ACOT13: variants seen among roughly 807,000 people sequenced by gnomAD.
The protein encoded by ACOT13 is acyl-CoA thioesterase 13, also known as acyl-coenzyme A thioesterase 13.
ACOT13 carries 10 observed loss-of-function variants against 11.8 expected under a neutral mutation model. The ratio of observed to expected loss-of-function variants is 0.85; its 90% CI spans 0.53 to 1.44. The LOEUF (loss-of-function observed/expected upper bound fraction) is 1.44. ACOT13 is among the 40% of genes most tolerant of loss of function. The probability of loss-of-function intolerance (pLI) is 0.00; values close to 1 mark genes in which losing one functional copy is unlikely to be tolerated. For synonymous variants in ACOT13, 53 were observed against 61.0 expected (o/e 0.87, Z 0.61); for missense variants, 172 against 174.1 (o/e 0.99, Z 0.07).
At chr6:24,668,902 TG>T (rs1301782647) in intron 1 of ACOT13, among the ~76,000 whole-genome samples, 1 of 152,102 alleles carries the variant, frequency 6.6e-6, no homozygotes, top group East Asian at 1.9e-4. Context: ...ACAGAAAAGG[TG>T]GGGGTTTGGA....
At chr6:24,692,767 C>T (rs898341602) in intron 1 of ACOT13, among the ~76,000 whole-genome samples, 1 of 152,202 alleles carries the variant, frequency 6.6e-6, no homozygotes, top group African/African-American at 2.4e-5. Context: ...CCTATAAGGG[C>T]AGTACAGTAC....
chr6:24,672,879 C>G (rs1337293632), intron 1 of ACOT13, among the ~76,000 whole-genome samples: 2 of 152,128 alleles, frequency 1.3e-5, no homozygotes, highest in Non-Finnish European at 2.9e-5. Flanking sequence ...GTCTCTGGGC[C>G]TTGAGGAGTT....
chr6:24,674,191 C>T (rs78314161), intron 1 of ACOT13, among the ~76,000 whole-genome samples: 6,418 of 151,978 alleles, frequency 0.042, 171 homozygotes, highest in East Asian at 0.076. Flanking sequence ...CCTCTCGAGT[C>T]GCTGGGATTA....
intron 1 of ACOT13, among the ~76,000 whole-genome samples, chr6:24,672,197 A>G (rs968469285): frequency 2.6e-5 from 4 of 152,268 alleles, no homozygotes; most frequent in African/African-American, 9.6e-5. Context: ...TGATAACTCA[A>G]GGATTTCATA....
intron 1 of ACOT13, among the ~76,000 whole-genome samples, chr6:24,673,832 A>G (rs896861306): frequency 7.9e-5 from 12 of 152,180 alleles, no homozygotes; most frequent in African/African-American, 2.9e-4. Context: ...TTTTAAAACA[A>G]ATCCTCTTAT....
At chr6:24,672,027 T>C (rs1778373973) in intron 1 of ACOT13, among the ~76,000 whole-genome samples, 1 of 152,218 alleles carries the variant, frequency 6.6e-6, no homozygotes, top group African/African-American at 2.4e-5. Context: ...TTTTTGGACT[T>C]CAGGGAATCT....
chr6:24,673,977 TC>T (rs1470038757), intron 1 of ACOT13, among the ~76,000 whole-genome samples: 1 of 152,258 alleles, frequency 6.6e-6, no homozygotes, highest in Non-Finnish European at 1.5e-5. Context: ...TTTTATAACT[TC>T]CTTTACAACA....
At chr6:24,689,223 T>C (rs1040901060) in intron 1 of ACOT13, among the ~76,000 whole-genome samples, 3 of 152,116 alleles carry the variant, frequency 2.0e-5, no homozygotes, top group African/African-American at 4.8e-5. Context: ...TGTCAGTCTG[T>C]CATATACAAA....
chr6:24,691,475 G>A (rs1778716704), intron 1 of ACOT13, among the ~76,000 whole-genome samples: 1 of 152,152 alleles, frequency 6.6e-6, no homozygotes, highest in African/African-American at 2.4e-5. Context: ...GGTGATAATT[G>A]CTATAAAGGA....
In ACOT13 at chr6:24,703,765, T is replaced by C. The variant is rs1778938085; in HGVS notation, c.*2150T>C. ...ATTGCTTCCCAGAGATTGCTAGTAGTAAGTACCACACATAGGGCAAAACCA... is the reference window on the plus strand; with the variant it reads ...ATTGCTTCCCAGAGATTGCTAGTAGCAAGTACCACACATAGGGCAAAACCA... On this transcript the variant is annotated 3_prime_UTR_variant, in exon 3 of 3. Coordinates refer to ENST00000230048, the MANE Select transcript of ACOT13 (RefSeq NM_018473.4). The C allele has an allele frequency of 6.6e-6, 1 of 152,208 alleles. No homozygotes were observed. The highest frequency in any genetic ancestry group is 1.5e-5 in the Non-Finnish European group (1 of 68,036). The allele number at this position is 152,208 out of a possible 1,614,324, so 9.4% of individuals were successfully genotyped here.
chr6:24,697,958 G>A lies in ACOT13; in HGVS notation c.157G>A (p.Gly53Ser). 1.2e-6 allele frequency: 2 copies of A among 1,613,842 alleles called. No homozygotes were observed. The highest frequency in any genetic ancestry group is 1.7e-6 in the Non-Finnish European group (2 of 1,179,902). Reference protein sequence around the residue: ...KVEEEHTNAIGTLHGGLTATL... With the variant: ...KVEEEHTNAISTLHGGLTATL... ...AGAAGAAGAGCATACCAATGCAATA[G>A]GCACTCTCCACGGCGGTTTGACAGC... The change falls in exon 2 of 3, where the codon GGC becomes AGC. Residue 53 changes from glycine (G) to serine (S), a missense_variant. By Grantham distance (56) the Gly-to-Ser change is moderately conservative. Coordinates refer to ENST00000230048, the MANE Select transcript of ACOT13 (RefSeq NM_018473.4).
chr6:24,669,629 C>T (rs928093176), intron 1 of ACOT13, among the ~76,000 whole-genome samples: 5 of 151,982 alleles, frequency 3.3e-5, no homozygotes, highest in South Asian at 2.1e-4. Context: ...TTCATCTGAT[C>T]GCTCATGCTA....
chr6:24,679,148 C>T (rs201077738), intron 1 of ACOT13, among the ~76,000 whole-genome samples: 392 of 132,368 alleles, frequency 3.0e-3, no homozygotes, highest in African/African-American at 4.7e-3. Flanking sequence ...CCATATTAGG[C>T]ATTCGATTTG....
chr6:24,669,173 A>T (rs6936786), intron 1 of ACOT13, among the ~76,000 whole-genome samples: 57,420 of 152,178 alleles, frequency 0.38, 12,220 homozygotes, highest in Non-Finnish European at 0.5. Context: ...GCAGTGACAC[A>T]GCCTCAGGAG....
intron 2 of ACOT13, 118 bp from the exon 3 acceptor site, chr6:24,701,341 C>T (rs1778887626): frequency 1.2e-6 from 1 of 866,216 alleles, no homozygotes; most frequent in African/African-American, 1.7e-5. Context: ...CTTACCAATA[C>T]TACCGTTAAA....
chr6:24,700,656 G>A (rs755615249), intron 2 of ACOT13, among the ~76,000 whole-genome samples: 1 of 151,786 alleles, frequency 6.6e-6, no homozygotes, highest in East Asian at 1.9e-4. Context: ...GGCTGGTCTC[G>A]AACTCCTGCC....
intron 1 of ACOT13, among the ~76,000 whole-genome samples, chr6:24,694,790 C>T (rs1174679353): frequency 6.6e-6 from 1 of 152,130 alleles, no homozygotes; most frequent in African/African-American, 2.4e-5. Context: ...TTTATATTGC[C>T]ATATCAGGCT....
At chr6:24,698,813 T>G (rs1778841152) in intron 2 of ACOT13, among the ~76,000 whole-genome samples, 1 of 152,046 alleles carries the variant, frequency 6.6e-6, no homozygotes, top group Non-Finnish European at 1.5e-5. Flanking sequence ...AATTTTTGTG[T>G]TTTTAGTAAA....
chr6:24,677,276 A>T (rs1021701777), intron 1 of ACOT13, among the ~76,000 whole-genome samples: 1 of 152,218 alleles, frequency 6.6e-6, no homozygotes, highest in Non-Finnish European at 1.5e-5. Flanking sequence ...CTGTGTTAAG[A>T]GTTGCACAAG....
Sources: gnomAD v4.1 joint callset for allele counts (sites outside exome capture counted in the v4.1 genomes callset) on GRCh38, gnomAD v4.1.1 for gene constraint, MANE v1.5 for transcripts, NCBI Gene and HGNC (gene_info 2026-07-23, HGNC 2026-07-21) for gene names.